LTBP3: variants seen among roughly 807,000 people sequenced by gnomAD.
The protein encoded by LTBP3 is latent transforming growth factor beta binding protein 3, also known as latent-transforming growth factor beta-binding protein 3.
A neutral mutation model predicts 159.7 loss-of-function variants in LTBP3; 97 were observed. The ratio of observed to expected loss-of-function variants is 0.61; its 90% CI spans 0.52 to 0.72. The LOEUF is 0.72. LTBP3 is among the 30% of genes least tolerant of loss of function. The pLI is 0.00. For synonymous variants in LTBP3, 824 were observed against 777.1 expected (o/e 1.06, Z -1.00); for missense variants, 1,584 against 1,864.3 (o/e 0.85, Z 2.77).
rs1173606040 is a variant in LTBP3, at chr11:65,552,605, A to G, written c.1187-199T>C. Among the ~76,000 whole-genome samples the G allele has an allele frequency of 6.6e-6, 1 of 152,106 alleles. No homozygotes were observed. The highest frequency in any genetic ancestry group is 1.9e-4 in the East Asian group (1 of 5,192). Reference sequence around the variant, plus strand: ...ACCCCATTGACTCCCGATTCTAGCTATCCTGGACTTCACCACTCCTACTCA... The same window carrying G: ...ACCCCATTGACTCCCGATTCTAGCTGTCCTGGACTTCACCACTCCTACTCA... On this transcript the variant is annotated intron_variant, in intron 6 of 27. Coordinates refer to ENST00000301873, the MANE Select transcript of LTBP3 (RefSeq NM_001130144.3). The surrounding 1 kb of genome is among the most constrained non-coding windows in gnomAD (Gnocchi z 6.0).
In LTBP3 at chr11:65,554,423, T is replaced by G. The variant is rs1374809184; in HGVS notation, c.332-43A>C. The G allele has an allele frequency of 3.3e-6, 5 of 1,501,930 alleles. No homozygotes were observed. The African/African-American group carries it at 6.9e-5, about 21-fold the overall frequency. The allele number at this position is 1,501,930 out of a possible 1,614,324, so 93.0% of individuals were successfully genotyped here. On this transcript the variant is annotated intron_variant, in intron 1 of 27. Coordinates refer to ENST00000301873, the MANE Select transcript of LTBP3 (RefSeq NM_001130144.3). The surrounding 1 kb of genome is among the most constrained non-coding windows in gnomAD (Gnocchi z 5.3). ...GTCAGGCCCTCACCCACATCCTGTC[T>G]CTTTCCCCTCCTCCCTACTTCCTTG...
At position 65,557,867 on chromosome 11, in the gene LTBP3, C is replaced by A; in HGVS notation, c.93G>T (p.Leu31=). The part of the protein sequence containing the change: ...AGLLALLLLL[L]LLLLGLGGRV... ...TGCCGCCCAGGCCCAGCAGCAGCAG[C>A]AGCAGCAGCAGCAGCAGCGCCAGCA... The change falls in exon 1 of 28, where the codon CTG becomes CTT. Residue 31 remains leucine, a synonymous_variant. Transcript: ENST00000301873. 1 of 1,320,008 alleles carries A rather than the reference C, an allele frequency of 7.6e-7. No individual in the cohort carries two copies. Among genetic ancestry groups the A allele is most frequent in the Non-Finnish European group, 9.7e-7 (1 of 1,027,566 alleles). The allele number at this position is 1,320,008 out of a possible 1,614,324, so 81.8% of individuals were successfully genotyped here.
chr11:65,546,082 CTG>C lies in LTBP3; in HGVS notation c.2353+358_2353+359del, dbSNP rs1856352632. On this transcript the variant is annotated intron_variant, in intron 16 of 27. Transcript: ENST00000301873. This position sits in a 1 kb window ranked among gnomAD's most constrained non-coding sequence, Gnocchi z 4.0. ...CAGGCCCAGCACTGCATGCTACAGT[CTG>C]TCTTTCCTTCTCCAGTTTTCAATGA... is the stretch of plus-strand genomic sequence containing the variant. 2 of 314,438 alleles carry C rather than the reference CTG, an allele frequency of 6.4e-6. No individual in the cohort carries two copies. The highest frequency in any genetic ancestry group is 7.2e-5 in the East Asian group (1 of 13,830). The allele number at this position is 314,438 out of a possible 1,614,324, so 19.5% of individuals were successfully genotyped here.
intron 16 of LTBP3, among the ~76,000 whole-genome samples, chr11:65,545,948 A>G (rs547557437): frequency 6.6e-6 from 1 of 152,124 alleles, no homozygotes; most frequent in South Asian, 2.1e-4. Flanking sequence ...TGTGCCTGCC[A>G]TGCTGTTCCT....
intron 1 of LTBP3, 142 bp downstream of exon 1, chr11:65,557,487 G>T: frequency 8.7e-7 from 1 of 1,143,362 alleles, no homozygotes; most frequent in Non-Finnish European, 1.2e-6. Context: ...CAAGTTCCCT[G>T]AGGCCCCTGG....
chr11:65,557,261 G>C (rs1175189161), intron 1 of LTBP3, among the ~76,000 whole-genome samples: 1 of 152,016 alleles, frequency 6.6e-6, no homozygotes, highest in Non-Finnish European at 1.5e-5. Flanking sequence ...TGCTTCTTGC[G>C]GGAATATTTA....
Position 65,554,522 on chromosome 11 carries a change from G to A in LTBP3, c.332-142C>T. The A allele has an allele frequency of 1.5e-6, 1 of 645,992 alleles. No individual in the cohort carries two copies. Among genetic ancestry groups the A allele is most frequent in the African/African-American group, 1.8e-5 (1 of 54,782 alleles). 40.0% of individuals were successfully genotyped at this position (645,992 alleles called of 1,614,324 possible). A position where few individuals can be genotyped will look rare whatever the true frequency, so the allele number is the denominator to read the frequency against. ...CTACATAGGGAAACTGCCCTCTCTA[G>A]GTTCCCCAACATCCTTACACCTATG... On this transcript the variant is annotated intron_variant, in intron 1 of 27. Transcript: ENST00000301873. This position sits in a 1 kb window ranked among gnomAD's most constrained non-coding sequence, Gnocchi z 5.3.
Position 65,546,727 on chromosome 11 carries a change from G to GGGC in LTBP3, c.2230+70_2230+71insGCC. On this transcript the variant is annotated intron_variant, in intron 15 of 27. Coordinates refer to ENST00000301873, the MANE Select transcript of LTBP3 (RefSeq NM_001130144.3). The surrounding 1 kb of genome is among the most constrained non-coding windows in gnomAD (Gnocchi z 4.0). ...CCAATCACCACCGCTACCCCGCCCC[G>GGGC]CCCCCAGCGGAGCCAGACTGGGGGA... The GGGC allele has an allele frequency of 1.6e-6, 1 of 617,994 alleles. No homozygotes were observed. The highest frequency in any genetic ancestry group is 2.3e-6 in the Non-Finnish European group (1 of 433,264). 38.3% of individuals were successfully genotyped at this position (617,994 alleles called of 1,614,324 possible). A position where few individuals can be genotyped will look rare whatever the true frequency, so the allele number is the denominator to read the frequency against.
chr11:65,555,917 A>G (rs912903262), intron 1 of LTBP3, among the ~76,000 whole-genome samples: 2 of 152,166 alleles, frequency 1.3e-5, no homozygotes, highest in Non-Finnish European at 2.9e-5. Flanking sequence ...ATCCCAGCCC[A>G]GCCCATCCTG....
Position 65,543,564 on chromosome 11 carries a change from G to A in LTBP3, c.2354-15C>T, listed in dbSNP as rs1329148198. ...CTCGTCCACATCTGCAGGGCATAGG[G>A]GGTGTCAGAGGACCAGGCTGGGTGG... On this transcript the variant is annotated splice_polypyrimidine_tract_variant and intron_variant, in intron 16 of 27. Coordinates refer to ENST00000301873, the MANE Select transcript of LTBP3 (RefSeq NM_001130144.3). 2 of 1,613,950 alleles carry A rather than the reference G, an allele frequency of 1.2e-6. No homozygotes were observed. Among genetic ancestry groups the A allele is most frequent in the Non-Finnish European group, 8.5e-7 (1 of 1,179,934 alleles).
At position 65,539,754 on chromosome 11, in the gene LTBP3, GC is replaced by G; in HGVS notation, c.3512del (p.Gly1171AlafsTer54). On this transcript the variant is annotated frameshift_variant, in exon 25 of 28. Coordinates refer to ENST00000301873, the MANE Select transcript of LTBP3 (RefSeq NM_001130144.3). LOFTEE classifies it high-confidence loss of function. ...DCCCRQGRGWGAQCRPCPPRG... is the reference protein window; with the variant it reads ...DCCCRQGRGWXAQCRPCPPRG... ...GCGGCGGGCACGGTCGGCATTGGGCGCCCCAGCCGCGGCCCTGGCGGCAGCA... is the reference window on the plus strand; with the variant it reads ...GCGGCGGGCACGGTCGGCATTGGGCGCCCAGCCGCGGCCCTGGCGGCAGCA... 1 of 1,543,506 alleles carries G rather than the reference GC, an allele frequency of 6.5e-7. No individual in the cohort carries two copies. Among genetic ancestry groups the G allele is most frequent in the Non-Finnish European group, 8.7e-7 (1 of 1,151,976 alleles).
Position 65,538,918 on chromosome 11 carries a change from AG to A in LTBP3, c.*161del. ...CCTTACAACCGCCCGCTAACCGGGG[AG>A]GGGGGCCGGTAGGGGCGCCTCGGGT... is the stretch of plus-strand genomic sequence containing the variant. On this transcript the variant is annotated 3_prime_UTR_variant, in exon 28 of 28. Transcript: ENST00000301873. 1.6e-6 allele frequency: 2 copies of A among 1,260,102 alleles called. No homozygotes were observed. Among genetic ancestry groups the A allele is most frequent in the Non-Finnish European group, 2.0e-6 (2 of 985,104 alleles). 78.1% of individuals were successfully genotyped at this position (1,260,102 alleles called of 1,614,324 possible).
Position 65,539,887 on chromosome 11 carries a change from G to T in LTBP3, c.3386-6C>A. ...GCGCCGCTCCGGGGCACGCTCTGCGGAAGACACCTGGCATCAGGGGAGGGG... is the reference window on the plus strand; with the variant it reads ...GCGCCGCTCCGGGGCACGCTCTGCGTAAGACACCTGGCATCAGGGGAGGGG... On this transcript the variant is annotated splice_region_variant and splice_polypyrimidine_tract_variant and intron_variant, in intron 24 of 27. Transcript: ENST00000301873. 1 of 1,510,832 alleles carries T rather than the reference G, an allele frequency of 6.6e-7. No individual in the cohort carries two copies. Among genetic ancestry groups the T allele is most frequent in the Non-Finnish European group, 8.8e-7 (1 of 1,136,960 alleles). The allele number at this position is 1,510,832 out of a possible 1,614,324, so 93.6% of individuals were successfully genotyped here.
Position 65,546,885 on chromosome 11 carries a change from C to G in LTBP3, c.2143G>C (p.Asp715His). 6.2e-7 allele frequency: 1 copy of G among 1,612,600 alleles called. No homozygotes were observed. The highest frequency in any genetic ancestry group is 8.5e-7 in the Non-Finnish European group (1 of 1,179,978). ...CCGGGCTTGTTCTCGCATTTGCCAT[C>G]CGGGCAAGAGCTTGGGTCCCGGCAC... is the stretch of plus-strand genomic sequence containing the variant. The part of the protein sequence containing the change: ...DECRDPSSCP[D>H]GKCENKPGSF... The change falls in exon 15 of 28, where the codon GAT becomes CAT. Residue 715 changes from aspartate to histidine, a missense_variant. This residue lies in a region of LTBP3 where 565 missense variants were observed against 677.7 expected (regional missense o/e 0.83). Transcript: ENST00000301873. This position sits in a 1 kb window ranked among gnomAD's most constrained non-coding sequence, Gnocchi z 4.0.
Position 65,552,685 on chromosome 11 carries a change from C to T in LTBP3, c.1186+175G>A, listed in dbSNP as rs911476499. Among the ~76,000 whole-genome samples, 5 of 152,216 alleles carry T rather than the reference C, an allele frequency of 3.3e-5. No individual in the cohort carries two copies. Among genetic ancestry groups the T allele is most frequent in the African/African-American group, 1.2e-4 (5 of 41,448 alleles). On this transcript the variant is annotated intron_variant, in intron 6 of 27. Transcript: ENST00000301873. The surrounding 1 kb of genome is among the most constrained non-coding windows in gnomAD (Gnocchi z 6.0). ...CTATGTAATCCCTGACCCCATGTGA[C>T]TGCTAATGGCAGATCTCATGTGACC...
In LTBP3 at chr11:65,553,917, C is replaced by A; in HGVS notation, c.662-14G>T. On this transcript the variant is annotated splice_polypyrimidine_tract_variant and intron_variant, in intron 2 of 27. Coordinates refer to ENST00000301873, the MANE Select transcript of LTBP3 (RefSeq NM_001130144.3). The surrounding 1 kb of genome is among the most constrained non-coding windows in gnomAD (Gnocchi z 6.5). ...GCGGGGCCTGCACTGGGGGCGGGCG[C>A]GGTGGCCTCAGGGCTGCCCGCACCG... is the stretch of plus-strand genomic sequence containing the variant. 1 of 1,521,472 alleles carries A rather than the reference C, an allele frequency of 6.6e-7. No individual in the cohort carries two copies. The highest frequency in any genetic ancestry group is 2.4e-5 in the East Asian group (1 of 41,532). 94.2% of individuals were successfully genotyped at this position (1,521,472 alleles called of 1,614,324 possible). A position where few individuals can be genotyped will look rare whatever the true frequency, so the allele number is the denominator to read the frequency against.
In LTBP3 at chr11:65,547,874, G is replaced by A; in HGVS notation, c.1846+46C>T. 6.2e-7 allele frequency: 1 copy of A among 1,613,146 alleles called. No homozygotes were observed. The highest frequency in any genetic ancestry group is 8.5e-7 in the Non-Finnish European group (1 of 1,179,916). On this transcript the variant is annotated intron_variant, in intron 12 of 27. Coordinates refer to ENST00000301873, the MANE Select transcript of LTBP3 (RefSeq NM_001130144.3). The surrounding 1 kb of genome is among the most constrained non-coding windows in gnomAD (Gnocchi z 4.6). ...GTCAAAGGAAGCGTCGTTATCTGGG[G>A]TCCCCCCCCACCCACCTGCATGCCC...
chr11:65,543,383 G>A lies in LTBP3; in HGVS notation c.2476+44C>T, dbSNP rs776515975. ...GGACCCTGGGGGGTGGGGGTCCTGG[G>A]GTAGGGAGGGACAGGTCAGCACCCC... On this transcript the variant is annotated intron_variant, in intron 17 of 27. Coordinates refer to ENST00000301873, the MANE Select transcript of LTBP3 (RefSeq NM_001130144.3). 3.1e-6 allele frequency: 5 copies of A among 1,613,038 alleles called. No homozygotes were observed. In the Admixed American group the frequency reaches 8.3e-5, roughly 27 times the overall value.
At chr11:65,543,060 G>T in intron 18 of LTBP3, 45 bp downstream of exon 18, 1 of 1,611,204 alleles carries the variant, frequency 6.2e-7, no homozygotes. Flanking sequence ...GGGAATTACT[G>T]CTCCCTGCCA....
Sources: allele counts gnomAD v4.1 joint callset (sites outside exome capture counted in the v4.1 genomes callset), GRCh38; gene constraint gnomAD v4.1.1; regional missense constraint gnomAD v4.1.1; non-coding constraint Gnocchi (gnomAD v3.1); transcripts MANE v1.5; gene names NCBI Gene and HGNC (gene_info 2026-07-23, HGNC 2026-07-21).